The following CLK2 variants were observed in gnomAD, a reference collection of about 807,000 sequenced individuals.
CLK2 encodes the protein CDC like kinase 2.
In CLK2, 12 loss-of-function variants were observed where a neutral mutation model predicts 73.5. The observed-to-expected ratio is 0.16, with a 90% CI of 0.10 to 0.26. The LOEUF is 0.26. Ranked by LOEUF, CLK2 falls within the 10% of genes least tolerant of loss-of-function variation. The pLI is 1.00. For synonymous variants in CLK2, 232 were observed against 237.9 expected (o/e 0.98, Z 0.23); for missense variants, 509 against 688.4 (o/e 0.74, Z 2.92).
At chr1:155,269,437 TAG>T (rs746860507) in intron 3 of CLK2, 49 bp downstream of exon 3, 14 of 1,511,640 alleles carry the variant, frequency 9.3e-6, no homozygotes, top group African/African-American at 1.4e-5. Flanking sequence ...ACCAGAGTCC[TAG>T]AGGGCCTGCA....
In CLK2 at chr1:155,268,542, G is replaced by C; in HGVS notation, c.487+166C>G. 1 of 790,010 alleles carries C rather than the reference G, an allele frequency of 1.3e-6. No individual in the cohort carries two copies. Among genetic ancestry groups the C allele is most frequent in the Non-Finnish European group, 2.2e-6 (1 of 462,934 alleles). The allele number at this position is 790,010 out of a possible 1,614,324, so 48.9% of individuals were successfully genotyped here. A position where few individuals can be genotyped will look rare whatever the true frequency, so the allele number is the denominator to read the frequency against. On this transcript the variant is annotated intron_variant, in intron 4 of 12. Coordinates refer to ENST00000368361, the MANE Select transcript of CLK2 (RefSeq NM_001294338.2). This position sits in a 1 kb window ranked among gnomAD's most constrained non-coding sequence, Gnocchi z 5.6. ...ACCACCTTTAACCCAGGGGCCGTGA[G>C]AGCTGGGAGTGGACAACAGAGGTCA...
chr1:155,265,839 G>T (rs1673209301), intron 8 of CLK2, 21 bp downstream of exon 8: 1 of 1,527,986 alleles, frequency 6.5e-7, no homozygotes. Context: ...AGTAACCAAG[G>T]GCAGACCCTA....
chr1:155,267,037 G>A (rs1351387581), intron 6 of CLK2, 142 bp from the exon 7 acceptor site: 5 of 866,420 alleles, frequency 5.8e-6, no homozygotes, highest in Non-Finnish European at 8.8e-6. Flanking sequence ...CCAAAATTCA[G>A]TTCAGCTAAG....
chr1:155,267,870 T>A lies in CLK2; in HGVS notation c.671+140A>T, dbSNP rs1413840917. 4.4e-6 allele frequency: 3 copies of A among 680,758 alleles called. 1 individual carries two copies. In the African/African-American group the frequency reaches 5.3e-5, roughly 12 times the overall value. The allele number at this position is 680,758 out of a possible 1,614,324, so 42.2% of individuals were successfully genotyped here. A position where few individuals can be genotyped will look rare whatever the true frequency, so the allele number is the denominator to read the frequency against. On this transcript the variant is annotated intron_variant, in intron 6 of 12. Coordinates refer to ENST00000368361, the MANE Select transcript of CLK2 (RefSeq NM_001294338.2). Reference sequence around the variant, plus strand: ...CCCCCCCTTTCCTACCCTGATGTTCTACTACTCTAAGATGATGAACAAAAG... The same window carrying A: ...CCCCCCCTTTCCTACCCTGATGTTCAACTACTCTAAGATGATGAACAAAAG...
Position 155,266,914 on chromosome 1 carries a change from G to T in CLK2, c.672-19C>A, listed in dbSNP as rs778522418. 6.2e-7 allele frequency: 1 copy of T among 1,611,968 alleles called. No homozygotes were observed. The highest frequency in any genetic ancestry group is 8.5e-7 in the Non-Finnish European group (1 of 1,179,274). ...ACAGAGGCTGAGAAGAGAGATGGGG[G>T]AAGGGGGGTTGTCTGATGAGCTCCC... is the stretch of plus-strand genomic sequence containing the variant. On this transcript the variant is annotated intron_variant, in intron 6 of 12. Coordinates refer to ENST00000368361, the MANE Select transcript of CLK2 (RefSeq NM_001294338.2).
chr1:155,263,147 A>G lies in CLK2; in HGVS notation c.*71T>C, dbSNP rs1673051827. The G allele has an allele frequency of 6.9e-7, 1 of 1,459,236 alleles. No homozygotes were observed. The allele number at this position is 1,459,236 out of a possible 1,614,324, so 90.4% of individuals were successfully genotyped here. On this transcript the variant is annotated 3_prime_UTR_variant, in exon 13 of 13. Coordinates refer to ENST00000368361, the MANE Select transcript of CLK2 (RefSeq NM_001294338.2). ...TGAACTCTGGCTCGTTCTCTTGTAT[A>G]AAAAAGCACCAGTGTCCTGGACTGG...
At chr1:155,272,719 C>T (rs990899737) in intron 1 of CLK2, among the ~76,000 whole-genome samples, 8 of 152,118 alleles carry the variant, frequency 5.3e-5, no homozygotes, top group Non-Finnish European at 1.5e-5. Flanking sequence ...ACATAAATGC[C>T]ATCTCACCAC....
At chr1:155,269,028 A>T in intron 3 of CLK2, 1 of 606,204 alleles carries the variant, frequency 1.6e-6, no homozygotes, top group Non-Finnish European at 2.9e-6. Flanking sequence ...AGGGAGAGGC[A>T]TGGGCAGAGC....
At chr1:155,271,698 ATAGAG>A (rs1215992546) in intron 1 of CLK2, among the ~76,000 whole-genome samples, 6 of 152,212 alleles carry the variant, frequency 3.9e-5, no homozygotes, top group Non-Finnish European at 5.9e-5. Flanking sequence ...TCACAAGTCA[ATAGAG>A]TAAAGCTTTG....
chr1:155,264,001 A>T lies in CLK2; in HGVS notation c.1266T>A (p.Asp422Glu), dbSNP rs1673111610. The change falls in exon 12 of 13, where the codon GAT becomes GAA. Residue 422 changes from aspartate (D) to glutamate (E), a missense_variant. This residue lies in a region of CLK2 where 134 missense variants were observed against 146.0 expected (regional missense o/e 0.92). Coordinates refer to ENST00000368361, the MANE Select transcript of CLK2 (RefSeq NM_001294338.2). ...KYFYRGRLDW[D>E]ENTSAGRYVR... is the part of the protein sequence containing the mutation. ...CATAGCGCCCAGCTGATGTGTTCTCATCCCAATCCAGGCGACCCCGGTAAA... is the reference window on the plus strand; with the variant it reads ...CATAGCGCCCAGCTGATGTGTTCTCTTCCCAATCCAGGCGACCCCGGTAAA... The T allele has an allele frequency of 1.5e-5, 25 of 1,613,854 alleles. No homozygotes were observed. Among genetic ancestry groups the T allele is most frequent in the Non-Finnish European group, 1.9e-5 (23 of 1,179,916 alleles).
rs189635040 is a variant in CLK2, at chr1:155,272,285, G to A, written c.-1+916C>T. Reference sequence around the variant, plus strand: ...CCCGCCTTGGCCTCCCAAAGTGCTGGGATTACAGATGTGAGCCACCGCGCC... The same window carrying A: ...CCCGCCTTGGCCTCCCAAAGTGCTGAGATTACAGATGTGAGCCACCGCGCC... On this transcript the variant is annotated intron_variant, in intron 1 of 12. Coordinates refer to ENST00000368361, the MANE Select transcript of CLK2 (RefSeq NM_001294338.2). Among the ~76,000 whole-genome samples, 671 of 152,240 alleles carry A rather than the reference G, an allele frequency of 4.4e-3. 3 individuals are homozygous for A. Among genetic ancestry groups the A allele is most frequent in the South Asian group, 1.0e-2 (48 of 4,822 alleles).
At position 155,263,165 on chromosome 1, in the gene CLK2, T is replaced by C; in HGVS notation, c.*53A>G. On this transcript the variant is annotated 3_prime_UTR_variant, in exon 13 of 13. Transcript: ENST00000368361. ...CTTGTATAAAAAAGCACCAGTGTCC[T>C]GGACTGGACACCCACTGCTATAAAA... The C allele has an allele frequency of 6.5e-7, 1 of 1,547,496 alleles. No individual in the cohort carries two copies. The highest frequency in any genetic ancestry group is 8.7e-7 in the Non-Finnish European group (1 of 1,143,940).
At chr1:155,272,812 T>C (rs1436523031) in intron 1 of CLK2, among the ~76,000 whole-genome samples, 1 of 152,166 alleles carries the variant, frequency 6.6e-6, no homozygotes, top group African/African-American at 2.4e-5. Flanking sequence ...TCTTTTGCTT[T>C]TTCCTTTCTT....
intron 1 of CLK2, among the ~76,000 whole-genome samples, chr1:155,271,925 G>C (rs991529044): frequency 6.6e-6 from 1 of 151,756 alleles, no homozygotes; most frequent in Non-Finnish European, 1.5e-5. Flanking sequence ...CCCTTGAGAG[G>C]TTTTAATGTA....
chr1:155,269,545 G>A lies in CLK2; in HGVS notation c.342C>T (p.Ser114=), dbSNP rs1673394691. ...ENSSYRSQRS[S]RRKHRRRRRR... is the part of the protein sequence containing the mutation. ...TCCTCCGCCGTCTGTGCTTCCTCCGGCTGCTGCGCTGGCTGCGGTAACTGC... is the reference window on the plus strand; with the variant it reads ...TCCTCCGCCGTCTGTGCTTCCTCCGACTGCTGCGCTGGCTGCGGTAACTGC... The change falls in exon 3 of 13, where the codon AGC becomes AGT. Residue 114 remains serine (S), a synonymous_variant. Transcript: ENST00000368361. The A allele has an allele frequency of 1.2e-6, 2 of 1,613,980 alleles. No homozygotes were observed. Among genetic ancestry groups the A allele is most frequent in the Non-Finnish European group, 8.5e-7 (1 of 1,180,044 alleles).
At position 155,268,946 on chromosome 1, in the gene CLK2, T is replaced by C. The variant is rs1023228837; in HGVS notation, c.400-151A>G. On this transcript the variant is annotated intron_variant, in intron 3 of 12. Coordinates refer to ENST00000368361, the MANE Select transcript of CLK2 (RefSeq NM_001294338.2). This position sits in a 1 kb window ranked among gnomAD's most constrained non-coding sequence, Gnocchi z 5.6. ...GGACAGTGGAAGGGAACACGTCAGATGCAGTAAGGTGGATCGGTGTGAGAA... is the reference window on the plus strand; with the variant it reads ...GGACAGTGGAAGGGAACACGTCAGACGCAGTAAGGTGGATCGGTGTGAGAA... 1 of 642,984 alleles carries C rather than the reference T, an allele frequency of 1.6e-6. No individual in the cohort carries two copies. Among genetic ancestry groups the C allele is most frequent in the African/African-American group, 1.8e-5 (1 of 55,758 alleles). The allele number at this position is 642,984 out of a possible 1,614,324, so 39.8% of individuals were successfully genotyped here. A position where few individuals can be genotyped will look rare whatever the true frequency, so the allele number is the denominator to read the frequency against.
rs751381678 is a variant in CLK2 at position 155,268,271 on chromosome 1, G to A, written c.554+22C>T. The A allele has an allele frequency of 3.1e-6, 5 of 1,612,152 alleles. No individual in the cohort carries two copies. The African/African-American group carries it at 6.7e-5, about 22-fold the overall frequency. On this transcript the variant is annotated intron_variant, in intron 5 of 12. Coordinates refer to ENST00000368361, the MANE Select transcript of CLK2 (RefSeq NM_001294338.2). The surrounding 1 kb of genome is among the most constrained non-coding windows in gnomAD (Gnocchi z 5.6). ...CCAACCATCTCTTTAGCCCCACATA[G>A]TAGGGAGGGACTGACAGTTACCTGC... is the stretch of plus-strand genomic sequence containing the variant.
rs201056646 is a variant in CLK2 at position 155,263,414 on chromosome 1, G to A, written c.1318-14C>T. On this transcript the variant is annotated splice_polypyrimidine_tract_variant and intron_variant, in intron 12 of 12. Coordinates refer to ENST00000368361, the MANE Select transcript of CLK2 (RefSeq NM_001294338.2). ...GGTCAGATACCGCTGGTGGAGGAGG[G>A]CAGGAAAAAGGTGAGGCAGGATGCC... 1.0e-4 allele frequency: 165 copies of A among 1,613,218 alleles called. No individual in the cohort carries two copies. Among genetic ancestry groups the A allele is most frequent in the Non-Finnish European group, 1.4e-5 (16 of 1,179,838 alleles).
rs986410376 is a variant in CLK2, at chr1:155,270,089, G to C, written c.171-373C>G. ...ACCACTAAAATATTAAAACTGGGCC[G>C]GGCACAGTGGCTCACGCCTGTAATC... On this transcript the variant is annotated intron_variant, in intron 2 of 12. Coordinates refer to ENST00000368361, the MANE Select transcript of CLK2 (RefSeq NM_001294338.2). Among the ~76,000 whole-genome samples the C allele has an allele frequency of 2.6e-5, 4 of 152,016 alleles. No individual in the cohort carries two copies. In the South Asian group the frequency reaches 8.3e-4, roughly 32 times the overall value.
Sources: gnomAD v4.1 joint callset for allele counts (sites outside exome capture counted in the v4.1 genomes callset) on GRCh38, gnomAD v4.1.1 for gene constraint, gnomAD v4.1.1 regional missense constraint, Gnocchi (gnomAD v3.1) non-coding constraint, MANE v1.5 for transcripts, NCBI Gene and HGNC (gene_info 2026-07-23, HGNC 2026-07-21) for gene names.